The following GMPPB variants were observed in gnomAD, a reference collection of about 807,000 sequenced individuals.
GMPPB encodes mannose-1-phosphate guanylyltransferase catalytic subunit beta.
In GMPPB, 38 loss-of-function variants were observed where a neutral mutation model predicts 40.3. That is an observed-to-expected ratio of 0.94 (90% CI 0.73 to 1.24). The LOEUF is 1.24. Ranked by LOEUF, GMPPB falls within the 50% of genes most tolerant of loss-of-function variation. The probability of loss-of-function intolerance (pLI) is 0.00; values close to 1 mark genes in which losing one functional copy is unlikely to be tolerated. For missense variants in GMPPB, 436 were observed against 487.1 expected (o/e 0.90, Z 0.99); for synonymous variants, 193 against 191.8 (o/e 1.01, Z -0.05).
Position 49,720,797 on chromosome 3 carries a change from C to T in GMPPB, c.*955G>A, listed in dbSNP as rs1397766843. 1 of 1,614,042 alleles carries T rather than the reference C, an allele frequency of 6.2e-7. No homozygotes were observed. The highest frequency in any genetic ancestry group is 2.2e-5 in the East Asian group (1 of 44,898). On this transcript the variant is annotated 3_prime_UTR_variant, in exon 9 of 9. Transcript: ENST00000308388. ...TGACTTGACACTACCTACCACTCCCCAGATGCGGATTATATCAGTGCCGAT... is the reference window on the plus strand; with the variant it reads ...TGACTTGACACTACCTACCACTCCCTAGATGCGGATTATATCAGTGCCGAT...
chr3:49,720,366 C>T lies in GMPPB; in HGVS notation c.*1386G>A. The T allele has an allele frequency of 1.4e-6, 1 of 729,422 alleles. No individual in the cohort carries two copies. Among genetic ancestry groups the T allele is most frequent in the Non-Finnish European group, 2.0e-6 (1 of 490,714 alleles). The allele number at this position is 729,422 out of a possible 1,614,324, so 45.2% of individuals were successfully genotyped here. A position where few individuals can be genotyped will look rare whatever the true frequency, so the allele number is the denominator to read the frequency against. On this transcript the variant is annotated 3_prime_UTR_variant, in exon 9 of 9. Transcript: ENST00000308388. ...TGTGGCACCTTACTAGAATACAGGACTTGGGGTTTGGGAAGCAGGGAGACG... is the reference window on the plus strand; with the variant it reads ...TGTGGCACCTTACTAGAATACAGGATTTGGGGTTTGGGAAGCAGGGAGACG...
chr3:49,720,693 TGGGTC>T lies in GMPPB; in HGVS notation c.*1054_*1058del. 3 of 1,597,270 alleles carry T rather than the reference TGGGTC, an allele frequency of 1.9e-6. No homozygotes were observed. The highest frequency in any genetic ancestry group is 2.6e-6 in the Non-Finnish European group (3 of 1,167,120). ...GGGGCAGGTCAGGGAAATCTGGGGC[TGGGTC>T]GGGTCAGGAGCCTTAAGAACAGCAA... On this transcript the variant is annotated 3_prime_UTR_variant, in exon 9 of 9. Coordinates refer to ENST00000308388, the MANE Select transcript of GMPPB (RefSeq NM_021971.4).
Position 49,721,797 on chromosome 3 carries a change from G to A in GMPPB, c.1038C>T (p.His346=), listed in dbSNP as rs565395732. 1 of 1,611,894 alleles carries A rather than the reference G, an allele frequency of 6.2e-7. No homozygotes were observed. Among genetic ancestry groups the A allele is most frequent in the Admixed American group, 1.7e-5 (1 of 60,030 alleles). The part of the protein sequence containing the change: ...LYLNGASVLP[H]KSIGESVPEP... ...CTGGCACTGACTCGCCAATAGACTT[G>A]TGGGGCAGCACGCTGGCTCCGTTGA... The change falls in exon 9 of 9, where the codon CAC becomes CAT. Residue 346 remains histidine (H), a synonymous_variant. Transcript: ENST00000308388.
At position 49,723,081 on chromosome 3, in the gene GMPPB, G is replaced by A. The variant is rs769164977; in HGVS notation, c.293C>T (p.Ser98Phe). The change falls in exon 4 of 9, where the codon TCT becomes TTT. Residue 98 changes from serine to phenylalanine, a missense_variant. Physicochemically the swap from Ser to Phe is radical, Grantham distance 155. Coordinates refer to ENST00000308388, the MANE Select transcript of GMPPB (RefSeq NM_021971.4). Reference protein sequence around the residue: ...GPLALARDLLSETADPFFVLN... With the variant: ...GPLALARDLLFETADPFFVLN... ...GACGAAGAAAGGGTCTGCAGTCTCA[G>A]AGAGTAGGTCACGGGCCAGCGCCAG... 1.4e-5 allele frequency: 23 copies of A among 1,613,836 alleles called. No individual in the cohort carries two copies. The South Asian group carries it at 2.4e-4, about 17-fold the overall frequency.
rs1200945677 is a variant in GMPPB, at chr3:49,721,788, A to G, written c.1047T>C (p.Ile349=). The change falls in exon 9 of 9, where the codon ATT becomes ATC. Residue 349 remains isoleucine (I), a synonymous_variant. Coordinates refer to ENST00000308388, the MANE Select transcript of GMPPB (RefSeq NM_021971.4). ...TACGAGGCTCTGGCACTGACTCGCC[A>G]ATAGACTTGTGGGGCAGCACGCTGG... is the stretch of plus-strand genomic sequence containing the variant. ...NGASVLPHKS[I]GESVPEPRII... 7 of 1,610,912 alleles carry G rather than the reference A, an allele frequency of 4.3e-6. No homozygotes were observed. The highest frequency in any genetic ancestry group is 5.9e-6 in the Non-Finnish European group (7 of 1,179,772).
chr3:49,723,883 T>C lies in GMPPB; in HGVS notation c.-157A>G. The C allele has an allele frequency of 1.2e-6, 1 of 803,784 alleles. No individual in the cohort carries two copies. Among genetic ancestry groups the C allele is most frequent in the Non-Finnish European group, 1.9e-6 (1 of 536,094 alleles). 49.8% of individuals were successfully genotyped at this position (803,784 alleles called of 1,614,324 possible). On this transcript the variant is annotated 5_prime_UTR_variant, in exon 1 of 9. Coordinates refer to ENST00000308388, the MANE Select transcript of GMPPB (RefSeq NM_021971.4). ...CTCCACCTCGTCCGCCCGGTCGCCC[T>C]GACGCCGGATCCAGGGCCGCCACAA...
rs781514065 is a variant in GMPPB at position 49,721,485 on chromosome 3, C to T, written c.*267G>A. On this transcript the variant is annotated 3_prime_UTR_variant, in exon 9 of 9. Transcript: ENST00000308388. ...TGGCCCTAATTGTGCCTGAGCTTGA[C>T]TTTCAGTCAGGGCCACAGTGAGCAT... The T allele has an allele frequency of 1.1e-5, 10 of 927,900 alleles. No individual in the cohort carries two copies. Among genetic ancestry groups the T allele is most frequent in the Non-Finnish European group, 1.8e-5 (10 of 567,266 alleles). The allele number at this position is 927,900 out of a possible 1,614,324, so 57.5% of individuals were successfully genotyped here.
In GMPPB at chr3:49,721,766, G is replaced by A. The variant is rs1434111632; in HGVS notation, c.1069C>T (p.Arg357Cys). The A allele has an allele frequency of 4.4e-6, 7 of 1,604,754 alleles. No individual in the cohort carries two copies. The highest frequency in any genetic ancestry group is 2.2e-5 in the South Asian group (2 of 90,680). ...ACTGCATCCCCTCACATGATGATACGAGGCTCTGGCACTGACTCGCCAATA... is the reference window on the plus strand; with the variant it reads ...ACTGCATCCCCTCACATGATGATACAAGGCTCTGGCACTGACTCGCCAATA... Reference protein sequence around the residue: ...KSIGESVPEPRIIM With the variant: ...KSIGESVPEPCIIM Residue 357 changes from arginine to cysteine, a missense_variant, in exon 9 of 9, where the codon CGT becomes TGT. Transcript: ENST00000308388.
chr3:49,723,622 C>A lies in GMPPB; in HGVS notation c.105G>T (p.Leu35=). 6.3e-7 allele frequency: 1 copy of A among 1,586,108 alleles called. No homozygotes were observed. The highest frequency in any genetic ancestry group is 8.6e-7 in the Non-Finnish European group (1 of 1,165,760). ...CCGCGGCTAGCGCCTCCACTTGGTG[C>A]AGCAAGATGGGCTTATTGCAGAAGT... ...LVDFCNKPIL[L]HQVEALAAAG... is the part of the protein sequence containing the mutation. Residue 35 remains leucine (L), a synonymous_variant, in exon 1 of 9, where the codon CTG becomes CTT. Transcript: ENST00000308388.
chr3:49,721,208 T>TG lies in GMPPB; in HGVS notation c.*543dup. ...AGAGCCTGTATCAACCAGCACCTGA[T>TG]GAACAACAAGGACTGCTTCTTCTGC... On this transcript the variant is annotated 3_prime_UTR_variant, in exon 9 of 9. Coordinates refer to ENST00000308388, the MANE Select transcript of GMPPB (RefSeq NM_021971.4). 1 of 1,614,210 alleles carries TG rather than the reference T, an allele frequency of 6.2e-7. No homozygotes were observed. Among genetic ancestry groups the TG allele is most frequent in the Non-Finnish European group, 8.5e-7 (1 of 1,180,036 alleles).
Position 49,721,115 on chromosome 3 carries a change from C to T in GMPPB, c.*637G>A. On this transcript the variant is annotated 3_prime_UTR_variant, in exon 9 of 9. Transcript: ENST00000308388. ...GCCACAAGTCCTGCAAGTAAGTGGGCCCCACAGCTTGGTGGTGGGGAGAGC... is the reference window on the plus strand; with the variant it reads ...GCCACAAGTCCTGCAAGTAAGTGGGTCCCACAGCTTGGTGGTGGGGAGAGC... 6.2e-7 allele frequency: 1 copy of T among 1,613,782 alleles called. No individual in the cohort carries two copies. Among genetic ancestry groups the T allele is most frequent in the East Asian group, 2.2e-5 (1 of 44,890 alleles).
Position 49,722,730 on chromosome 3 carries a change from T to A in GMPPB, c.427A>T (p.Lys143Ter). Residue 143 changes from lysine to a stop codon, truncating the protein, a stop_gained, in exon 5 of 9, where the codon AAG becomes TAG. Coordinates refer to ENST00000308388, the MANE Select transcript of GMPPB (RefSeq NM_021971.4). LOFTEE classifies it high-confidence loss of function. ...ILVTKVEEPS[K>*]YGVVVCEADT... is the part of the protein sequence containing the mutation. ...GCCTCACACACCACCACACCGTACT[T>A]GGAGGGTTCCTCCACCTTGGTCACC... The A allele has an allele frequency of 6.2e-7, 1 of 1,613,180 alleles. No individual in the cohort carries two copies.
At chr3:49,722,809 C>T in intron 4 of GMPPB, 55 bp from the exon 5 acceptor site, 1 of 1,567,370 alleles carries the variant, frequency 6.4e-7, no homozygotes, top group South Asian at 1.2e-5. Flanking sequence ...AGCCTTGATA[C>T]ACATGCCGTT....
chr3:49,721,879 C>G lies in GMPPB; in HGVS notation c.956G>C (p.Arg319Pro). The G allele has an allele frequency of 1.9e-6, 3 of 1,613,964 alleles. No homozygotes were observed. The highest frequency in any genetic ancestry group is 2.5e-6 in the Non-Finnish European group (3 of 1,179,980). ...GWRCRVGQWV[R>P]MENVTVLGED... ...ACCCAGCACTGTCACGTTCTCCATG[C>G]GTACCTCCAGGAGAGGATAGGCCTT... is the stretch of plus-strand genomic sequence containing the variant. The change falls in exon 9 of 9, where the codon CGC becomes CCC. Residue 319 changes from arginine (R) to proline (P), a missense_variant. Physicochemically the swap from Arg to Pro is moderately radical, Grantham distance 103 (BLOSUM62 -2). Transcript: ENST00000308388.
chr3:49,721,027 G>A lies in GMPPB; in HGVS notation c.*725C>T. The A allele has an allele frequency of 1.2e-6, 2 of 1,612,130 alleles. No homozygotes were observed. The highest frequency in any genetic ancestry group is 2.2e-5 in the East Asian group (1 of 44,842). ...TCACTCTCCTCCCTGCAGCCCACCAGTGAGGAGGACCTCTGCCCCATCTGC... is the reference window on the plus strand; with the variant it reads ...TCACTCTCCTCCCTGCAGCCCACCAATGAGGAGGACCTCTGCCCCATCTGC... On this transcript the variant is annotated 3_prime_UTR_variant, in exon 9 of 9. Coordinates refer to ENST00000308388, the MANE Select transcript of GMPPB (RefSeq NM_021971.4).
rs1295648401 is a variant in GMPPB, at chr3:49,720,611, G to A, written c.*1141C>T. 1.9e-6 allele frequency: 3 copies of A among 1,607,874 alleles called. No individual in the cohort carries two copies. Among genetic ancestry groups the A allele is most frequent in the Non-Finnish European group, 2.6e-6 (3 of 1,175,782 alleles). On this transcript the variant is annotated 3_prime_UTR_variant, in exon 9 of 9. Transcript: ENST00000308388. ...GCCAGAGCCCCCAGCACCTGGCACT[G>A]CTCTGCCAGCCCCTGACCGGAAGCG... is the stretch of plus-strand genomic sequence containing the variant.
rs1027064364 is a variant in GMPPB at position 49,723,503 on chromosome 3, A to C, written c.130-31T>G. The C allele has an allele frequency of 1.9e-6, 3 of 1,612,496 alleles. No homozygotes were observed. The African/African-American group carries it at 4.0e-5, about 22-fold the overall frequency. On this transcript the variant is annotated intron_variant, in intron 1 of 8. Transcript: ENST00000308388. ...AGAACGCAGGCCGACGGGCGGGCTCAGTCAGAAGGTACGGGAGCCCCTGAC... is the reference window on the plus strand; with the variant it reads ...AGAACGCAGGCCGACGGGCGGGCTCCGTCAGAAGGTACGGGAGCCCCTGAC...
intron 5 of GMPPB, 30 bp downstream of exon 5, chr3:49,722,566 C>G (rs569795681): frequency 5.0e-6 from 8 of 1,613,188 alleles, no homozygotes; most frequent in African/African-American, 1.3e-5. Flanking sequence ...CTGCCCCACC[C>G]CAGCCCACCA....
rs748150598 is a variant in GMPPB, at chr3:49,721,488, T to G, written c.*264A>C. The G allele has an allele frequency of 1.1e-6, 1 of 902,472 alleles. No individual in the cohort carries two copies. The highest frequency in any genetic ancestry group is 1.8e-6 in the Non-Finnish European group (1 of 545,322). 55.9% of individuals were successfully genotyped at this position (902,472 alleles called of 1,614,324 possible). On this transcript the variant is annotated 3_prime_UTR_variant, in exon 9 of 9. Coordinates refer to ENST00000308388, the MANE Select transcript of GMPPB (RefSeq NM_021971.4). ...CCCTAATTGTGCCTGAGCTTGACTT[T>G]CAGTCAGGGCCACAGTGAGCATTAA...
Sources: allele counts gnomAD v4.1 joint callset, GRCh38; gene constraint gnomAD v4.1.1; transcripts MANE v1.5; gene names NCBI Gene and HGNC (gene_info 2026-07-23, HGNC 2026-07-21).